PAH: variants seen among roughly 807,000 people sequenced by gnomAD.
PAH encodes the protein phenylalanine-4-hydroxylase.
A neutral mutation model predicts 62.0 loss-of-function variants in PAH; 64 were observed. That is an observed-to-expected ratio of 1.03 (90% CI 0.84 to 1.27). The LOEUF is 1.27. Ranked by LOEUF, PAH falls within the 50% of genes most tolerant of loss-of-function variation. The pLI is 0.00. For missense variants in PAH, 579 were observed against 542.8 expected (o/e 1.07, Z -0.66); for synonymous variants, 195 against 196.2 (o/e 0.99, Z 0.05).
intron 3 of PAH, among the ~76,000 whole-genome samples, chr12:102,882,273 T>C (rs891672362): frequency 9.9e-5 from 15 of 152,138 alleles, no homozygotes; most frequent in East Asian, 3.9e-4. Context: ...TAGTCCAGAG[T>C]TGGTTTCCTA....
intron 1 of PAH, 35 bp from the exon 2 acceptor site, chr12:102,912,933 C>G: frequency 1.4e-6 from 2 of 1,437,024 alleles, no homozygotes; most frequent in South Asian, 1.1e-5. Flanking sequence ...AAAACATTTT[C>G]CACAGTTTAG....
intron 1 of PAH, among the ~76,000 whole-genome samples, chr12:102,924,407 T>C (rs1490418339): frequency 6.6e-6 from 1 of 152,178 alleles, no homozygotes; most frequent in African/African-American, 2.4e-5. Flanking sequence ...ACCAGTTTTA[T>C]GCATTTGTAA....
At chr12:102,898,308 A>T (rs897109636) in intron 2 of PAH, among the ~76,000 whole-genome samples, 3 of 152,272 alleles carry the variant, frequency 2.0e-5, no homozygotes, top group African/African-American at 7.2e-5. Flanking sequence ...GTCCTCTAAC[A>T]TAAATGCCCA....
At chr12:102,930,976 T>C (rs1425250678) in intron 1 of PAH, among the ~76,000 whole-genome samples, 1 of 152,140 alleles carries the variant, frequency 6.6e-6, no homozygotes, top group African/African-American at 2.4e-5. Flanking sequence ...AAAAATAAAT[T>C]ATCTGTTTAT....
chr12:102,926,350 A>G (rs890559425), intron 1 of PAH, among the ~76,000 whole-genome samples: 4 of 152,014 alleles, frequency 2.6e-5, no homozygotes, highest in African/African-American at 9.7e-5. Context: ...GGAAACATCT[A>G]TACAAAATCT....
chr12:102,925,153 A>G (rs1482500504), intron 1 of PAH, among the ~76,000 whole-genome samples: 2 of 152,188 alleles, frequency 1.3e-5, no homozygotes, highest in African/African-American at 4.8e-5. Flanking sequence ...ATATTTGGCC[A>G]AAGAAATGCA....
At chr12:102,928,976 G>A (rs200162651) in intron 1 of PAH, among the ~76,000 whole-genome samples, 10 of 152,186 alleles carry the variant, frequency 6.6e-5, no homozygotes, top group African/African-American at 7.2e-5. Flanking sequence ...AAATTGGGGC[G>A]TTCTCATGCC....
intron 3 of PAH, among the ~76,000 whole-genome samples, chr12:102,879,326 A>G (rs984548763): frequency 6.6e-6 from 1 of 151,608 alleles, no homozygotes; most frequent in African/African-American, 2.4e-5. Flanking sequence ...GTGACTTTCA[A>G]TCTGACACCC....
chr12:102,868,435 AT>A (rs141286717), intron 4 of PAH, among the ~76,000 whole-genome samples: 3 of 150,606 alleles, frequency 2.0e-5, no homozygotes, highest in Non-Finnish European at 3.0e-5. Flanking sequence ...ACTACTACAC[AT>A]TTTTTTTTAC....
chr12:102,932,241 C>T (rs1878906296), intron 1 of PAH, among the ~76,000 whole-genome samples: 1 of 152,214 alleles, frequency 6.6e-6, no homozygotes, highest in Non-Finnish European at 1.5e-5. Context: ...ATTACAGGGC[C>T]TCTGCTCTTC....
intron 8 of PAH, among the ~76,000 whole-genome samples, chr12:102,848,521 G>A (rs1874985739): frequency 1.4e-5 from 2 of 146,786 alleles, no homozygotes; most frequent in African/African-American, 5.2e-5. Context: ...CAGGACACCA[G>A]GAGACTGGAG....
At chr12:102,896,722 C>CCT (rs1877520724) in intron 2 of PAH, among the ~76,000 whole-genome samples, 1 of 152,030 alleles carries the variant, frequency 6.6e-6, no homozygotes, top group Admixed American at 6.6e-5. Flanking sequence ...TCCATGCCAC[C>CCT]CTCAGATTTG....
At chr12:102,840,660 G>A in intron 11 of PAH, 145 bp from the exon 12 acceptor site, 2 of 695,124 alleles carry the variant, frequency 2.9e-6, no homozygotes, top group Non-Finnish European at 5.3e-6. Context: ...GCTGAGGCGG[G>A]GGGAATGGAG....
chr12:102,841,518 T>G (rs1342281665), intron 11 of PAH, among the ~76,000 whole-genome samples: 1 of 152,050 alleles, frequency 6.6e-6, no homozygotes, highest in African/African-American at 2.4e-5. Context: ...TACCCCAATT[T>G]CCTCTGTAAA....
intron 3 of PAH, among the ~76,000 whole-genome samples, chr12:102,883,149 G>A (rs925604186): frequency 6.6e-6 from 1 of 152,226 alleles, no homozygotes; most frequent in Non-Finnish European, 1.5e-5. Flanking sequence ...TCAGAGACCT[G>A]TGGGATCCTC....
In PAH at chr12:102,852,886, G is replaced by A. The variant is rs544995045; in HGVS notation, c.771C>T (p.Gly257=). 1.3e-5 allele frequency: 21 copies of A among 1,614,088 alleles called. No individual in the cohort carries two copies. In the South Asian group the frequency reaches 1.8e-4, roughly 14 times the overall value. Reference sequence around the variant, plus strand: ...TGCAGTGGAAGACTCGGAAGGCCAGGCCACCCAAGAAATCCCGAGAGGAAA... The same window carrying A: ...TGCAGTGGAAGACTCGGAAGGCCAGACCACCCAAGAAATCCCGAGAGGAAA... ...GLLSSRDFLG[G]LAFRVFHCTQ... is the part of the protein sequence containing the mutation. The change falls in exon 7 of 13, where the codon GGC becomes GGT. Residue 257 remains glycine, a synonymous_variant. Transcript: ENST00000553106.
At chr12:102,954,732 C>G (rs1258019575), upstream of PAH, among the ~76,000 whole-genome samples, 4 of 152,198 alleles carry the variant, frequency 2.6e-5, no homozygotes, top group African/African-American at 9.6e-5. Flanking sequence ...ATTTTGGCTC[C>G]TGAGCCTCCC....
At chr12:102,856,953 C>T (rs923886889) in intron 5 of PAH, among the ~76,000 whole-genome samples, 2 of 152,198 alleles carry the variant, frequency 1.3e-5, no homozygotes, top group Admixed American at 1.3e-4. Context: ...AACACAGCTC[C>T]TCGCCAGCAA....
chr12:102,837,076 C>T lies in PAH; in HGVS notation c.*2099G>A, dbSNP rs1874394812. ...CAGCAAGATCATCTGTCAGTAAAGA[C>T]TGATACTGTTTCTAAAATATTGCTC... On this transcript the variant is annotated 3_prime_UTR_variant, in exon 13 of 13. Transcript: ENST00000553106. The T allele has an allele frequency of 6.6e-6, 1 of 152,150 alleles. No homozygotes were observed. The highest frequency in any genetic ancestry group is 2.4e-5 in the African/African-American group (1 of 41,440). The allele number at this position is 152,150 out of a possible 1,614,324, so 9.4% of individuals were successfully genotyped here. A position where few individuals can be genotyped will look rare whatever the true frequency, so the allele number is the denominator to read the frequency against.
Sources: allele counts gnomAD v4.1 joint callset (sites outside exome capture counted in the v4.1 genomes callset), GRCh38; gene constraint gnomAD v4.1.1; transcripts MANE v1.5; gene names NCBI Gene and HGNC (gene_info 2026-07-23, HGNC 2026-07-21).